The following DST variants were observed in gnomAD, a reference collection of about 807,000 sequenced individuals.
DST encodes the protein dystonin.
A neutral mutation model predicts 875.2 loss-of-function variants in DST; 253 were observed. That is an observed-to-expected ratio of 0.29 (90% CI 0.26 to 0.32). DST has a LOEUF of 0.32. Ranked by LOEUF, DST falls within the 10% of genes least tolerant of loss-of-function variation. The probability of loss-of-function intolerance (pLI) is 1.00; values close to 1 mark genes in which losing one functional copy is unlikely to be tolerated. For synonymous variants in DST, 3,124 were observed against 3,197.1 expected, an observed-to-expected ratio of 0.98 and a Z score of 0.77; for missense variants, 8,287 against 9,111.6, an observed-to-expected ratio of 0.91 and a Z score of 3.68.
At chr6:56,819,795 T>C (rs1204627910) in intron 4 of DST, among the ~76,000 whole-genome samples, 1 of 152,242 alleles carries the variant, frequency 6.6e-6, no homozygotes, top group Admixed American at 6.5e-5. Context: ...CAATGTTTAC[T>C]GGCCATTGTT....
chr6:56,899,106 G>C (rs117103896), intron 3 of DST, among the ~76,000 whole-genome samples: 1 of 152,202 alleles, frequency 6.6e-6, no homozygotes, highest in East Asian at 1.9e-4. Context: ...TCCATAAAAT[G>C]GGAATCATAA....
At chr6:56,763,470 G>A (rs191093790) in intron 4 of DST, among the ~76,000 whole-genome samples, 5 of 151,834 alleles carry the variant, frequency 3.3e-5, no homozygotes, top group South Asian at 2.1e-4. Flanking sequence ...TCAGGAGTTC[G>A]AAACCAGCCT....
intron 15 of DST, among the ~76,000 whole-genome samples, chr6:56,644,535 C>T (rs1031085391): frequency 9.9e-5 from 15 of 152,170 alleles, no homozygotes; most frequent in African/African-American, 3.1e-4. Context: ...TTTCTCTCCA[C>T]ATTCTTGGAG....
At chr6:56,906,027 C>A (rs557264621) in intron 2 of DST, among the ~76,000 whole-genome samples, 51 of 152,312 alleles carry the variant, frequency 3.3e-4, no homozygotes, top group Admixed American at 1.2e-3. Flanking sequence ...GTGAAAAATG[C>A]TGCAATGAAC....
chr6:56,921,098 C>A (rs1191786454), intron 2 of DST, among the ~76,000 whole-genome samples: 1 of 151,722 alleles, frequency 6.6e-6, no homozygotes, highest in Non-Finnish European at 1.5e-5. Flanking sequence ...GATATTTGAA[C>A]AATGAATGAG....
In DST at chr6:56,871,457, A is replaced by C. The variant is rs1239632503; in HGVS notation, c.418-19853T>G. Reference sequence around the variant, plus strand: ...GTCGGTGGCCCAAAAAGAGTGCTGAATTTTTGCTGCACATGCTTAAAAATG... The same window carrying C: ...GTCGGTGGCCCAAAAAGAGTGCTGACTTTTTGCTGCACATGCTTAAAAATG... On this transcript the variant is annotated intron_variant, in intron 3 of 103. Transcript: ENST00000680361. 10 of 1,595,928 alleles carry C rather than the reference A, an allele frequency of 6.3e-6. No individual in the cohort carries two copies. The Admixed American group carries it at 1.7e-4, about 27-fold the overall frequency.
chr6:56,947,996 T>C lies in DST; in HGVS notation c.216+5789A>G, dbSNP rs557436911. On this transcript the variant is annotated intron_variant, in intron 2 of 103. Transcript: ENST00000680361. Reference sequence around the variant, plus strand: ...GTGTAATTTAATTAAGTAAATCTGATGCAACACATTGCCATCAATCAGAAT... The same window carrying C: ...GTGTAATTTAATTAAGTAAATCTGACGCAACACATTGCCATCAATCAGAAT... 2.0e-5 allele frequency among the ~76,000 whole-genome samples: 3 copies of C among 152,052 alleles called. No individual in the cohort carries two copies. In the South Asian group the frequency reaches 6.2e-4, roughly 31 times the overall value.
intron 49 of DST, among the ~76,000 whole-genome samples, chr6:56,583,563 G>T (rs1332017020): frequency 6.6e-6 from 1 of 152,036 alleles, no homozygotes; most frequent in African/African-American, 2.4e-5. Context: ...TCACTCTGAT[G>T]GTAGTTTCTT....
intron 34 of DST, among the ~76,000 whole-genome samples, chr6:56,625,791 G>A (rs560379814): frequency 1.3e-5 from 2 of 150,864 alleles, no homozygotes; most frequent in East Asian, 3.9e-4. Context: ...CCTTCAGAAA[G>A]TATTCCAGAA....
chr6:56,499,749 A>G (rs2096057957), intron 80 of DST, among the ~76,000 whole-genome samples: 1 of 152,078 alleles, frequency 6.6e-6, no homozygotes, highest in African/African-American at 2.4e-5. Flanking sequence ...TCATTTTTCC[A>G]CCTCTACCAT....
At chr6:56,741,518 G>T (rs2099546836) in intron 4 of DST, among the ~76,000 whole-genome samples, 1 of 152,172 alleles carries the variant, frequency 6.6e-6, no homozygotes, top group African/African-American at 2.4e-5. Context: ...GAGTTAATGT[G>T]AATTCTAAAG....
intron 3 of DST, among the ~76,000 whole-genome samples, chr6:56,869,705 A>AT (rs919575187): frequency 3.3e-5 from 5 of 151,726 alleles, no homozygotes; most frequent in African/African-American, 1.2e-4. Flanking sequence ...ATTTTTATTT[A>AT]TTTTTTTGAG....
intron 4 of DST, among the ~76,000 whole-genome samples, chr6:56,829,180 C>A (rs1458037540): frequency 1.3e-5 from 2 of 152,160 alleles, no homozygotes; most frequent in Non-Finnish European, 2.9e-5. Context: ...CTGAAAACTG[C>A]ATGTATATGG....
At chr6:56,916,512 G>C (rs1488159906) in intron 2 of DST, among the ~76,000 whole-genome samples, 1 of 152,112 alleles carries the variant, frequency 6.6e-6, no homozygotes, top group Non-Finnish European at 1.5e-5. Flanking sequence ...AGCACTTTGG[G>C]AGGCCAAGGC....
intron 4 of DST, among the ~76,000 whole-genome samples, chr6:56,804,921 T>A (rs2099751384): frequency 6.6e-6 from 1 of 152,108 alleles, no homozygotes; most frequent in Non-Finnish European, 1.5e-5. Flanking sequence ...TAATTCTAAA[T>A]TTTTCATTAA....
chr6:56,462,398 T>C (rs2094378179), intron 102 of DST, among the ~76,000 whole-genome samples: 1 of 152,282 alleles, frequency 6.6e-6, no homozygotes, highest in South Asian at 2.1e-4. Context: ...ATGCTTAAAT[T>C]AGTTATTAAA....
intron 2 of DST, among the ~76,000 whole-genome samples, chr6:56,908,743 G>T (rs1290978086): frequency 6.6e-6 from 1 of 152,158 alleles, no homozygotes; most frequent in Admixed American, 6.5e-5. Context: ...GATAAAACAG[G>T]TTGCAGCAAA....
At chr6:56,800,138 C>A (rs934269587) in intron 4 of DST, among the ~76,000 whole-genome samples, 4 of 152,118 alleles carry the variant, frequency 2.6e-5, no homozygotes, top group African/African-American at 9.7e-5. Context: ...AACCACCAGA[C>A]ACATTTAAAC....
chr6:56,843,073 C>A, intron 4 of DST: 1 of 1,552,148 alleles, frequency 6.4e-7, no homozygotes, highest in Non-Finnish European at 8.8e-7. Context: ...CTCTCCAGGA[C>A]ATCCTCGTAG....
Sources: allele counts gnomAD v4.1 joint callset (sites outside exome capture counted in the v4.1 genomes callset), GRCh38; gene constraint gnomAD v4.1.1; transcripts MANE v1.5; gene names NCBI Gene and HGNC (gene_info 2026-07-23, HGNC 2026-07-21).